Variants in SAE1 observed in about 807,000 individuals in gnomAD.
SAE1 encodes SUMO-activating enzyme subunit 1.
In SAE1, 11 loss-of-function variants were observed where a neutral mutation model predicts 40.6. The ratio of observed to expected loss-of-function variants is 0.27; its 90% CI spans 0.17 to 0.45. SAE1 has a LOEUF of 0.45. SAE1 is among the 20% of genes least tolerant of loss of function. SAE1 has a pLI of 1.00. For synonymous variants in SAE1, 155 were observed against 154.3 expected, an observed-to-expected ratio of 1.00 and a Z score of -0.03; for missense variants, 373 against 427.3, an observed-to-expected ratio of 0.87 and a Z score of 1.12.
At chr19:47,183,563 G>C (rs1415579870) in intron 6 of SAE1, among the ~76,000 whole-genome samples, 1 of 152,114 alleles carries the variant, frequency 6.6e-6, no homozygotes, top group Non-Finnish European at 1.5e-5. Flanking sequence ...GGCCCACCAA[G>C]ATCAGATTAC....
Position 47,203,725 on chromosome 19 carries a change from A to G in SAE1, c.933A>G (p.Ala311=), listed in dbSNP as rs757210154. The G allele has an allele frequency of 4.3e-6, 7 of 1,614,090 alleles. No individual in the cohort carries two copies. The highest frequency in any genetic ancestry group is 5.9e-6 in the Non-Finnish European group (7 of 1,179,960). ...GTGCGGTGGTTGGAGGGATTTTGGC[A>G]CAGGAAATTGTGAAGGTAAAACATC... ...PVCAVVGGIL[A]QEIVKALSQR... The change falls in exon 8 of 9, where the codon GCA becomes GCG. Residue 311 remains alanine, a synonymous_variant. Coordinates refer to ENST00000270225, the MANE Select transcript of SAE1 (RefSeq NM_005500.3).
intron 5 of SAE1, among the ~76,000 whole-genome samples, chr19:47,168,452 T>C (rs1210479573): frequency 6.6e-6 from 1 of 151,994 alleles, no homozygotes; most frequent in Admixed American, 6.6e-5. Context: ...CACAGGTGCA[T>C]GCCACTGCAC....
At position 47,130,915 on chromosome 19, in the gene SAE1, A is replaced by T. The variant is rs1263843006; in HGVS notation, c.-16A>T. On this transcript the variant is annotated 5_prime_UTR_variant, in exon 1 of 9. Coordinates refer to ENST00000270225, the MANE Select transcript of SAE1 (RefSeq NM_005500.3). ...GCTTGAGCGGGACCGGAGCTGAGGCAGGAAGAGCCGGCGCCATGGTGGAGA... is the reference window on the plus strand; with the variant it reads ...GCTTGAGCGGGACCGGAGCTGAGGCTGGAAGAGCCGGCGCCATGGTGGAGA... 7 of 1,549,230 alleles carry T rather than the reference A, an allele frequency of 4.5e-6. No individual in the cohort carries two copies. In the African/African-American group the frequency reaches 9.6e-5, roughly 21 times the overall value.
intron 2 of SAE1, among the ~76,000 whole-genome samples, chr19:47,145,711 G>C (rs1379976406): frequency 6.6e-6 from 1 of 152,152 alleles, no homozygotes; most frequent in African/African-American, 2.4e-5. Context: ...TTCCCTAGTA[G>C]CTGGGATTAC....
At chr19:47,142,136 C>T (rs1307462981) in intron 1 of SAE1, among the ~76,000 whole-genome samples, 1 of 152,128 alleles carries the variant, frequency 6.6e-6, no homozygotes, top group Non-Finnish European at 1.5e-5. Context: ...GTAATCCCAG[C>T]ACTTTGGGAG....
At chr19:47,152,673 T>G (rs1428058556) in intron 3 of SAE1, among the ~76,000 whole-genome samples, 1 of 152,192 alleles carries the variant, frequency 6.6e-6, no homozygotes, top group Non-Finnish European at 1.5e-5. Flanking sequence ...CACATTTTAT[T>G]TTGGCTGCAG....
At chr19:47,135,120 A>G (rs977115594) in intron 1 of SAE1, among the ~76,000 whole-genome samples, 2 of 152,230 alleles carry the variant, frequency 1.3e-5, no homozygotes, top group African/African-American at 4.8e-5. Flanking sequence ...GGTAATAATC[A>G]CATCAGGGTA....
chr19:47,179,002 G>A (rs2058487528), intron 6 of SAE1, among the ~76,000 whole-genome samples: 1 of 151,404 alleles, frequency 6.6e-6, no homozygotes, highest in African/African-American at 2.4e-5. Flanking sequence ...GACCATCCTG[G>A]CTGACACGGT....
intron 6 of SAE1, among the ~76,000 whole-genome samples, chr19:47,178,242 CA>C (rs748570539): frequency 1.2e-3 from 170 of 138,990 alleles, no homozygotes; most frequent in Middle Eastern, 7.2e-3. Flanking sequence ...ACTCCATCTC[CA>C]AAAAAAAAAA....
chr19:47,154,623 T>G (rs2058309377), intron 4 of SAE1, among the ~76,000 whole-genome samples: 1 of 149,924 alleles, frequency 6.7e-6, no homozygotes, highest in African/African-American at 2.5e-5. Flanking sequence ...GCCTCCCAAG[T>G]AGCTGGGATT....
intron 1 of SAE1, among the ~76,000 whole-genome samples, chr19:47,141,897 A>G (rs1317495933): frequency 6.6e-6 from 1 of 152,156 alleles, no homozygotes; most frequent in Non-Finnish European, 1.5e-5. Context: ...TTCATAATAC[A>G]TGATGTAAAG....
chr19:47,165,900 T>C (rs1469701121), intron 5 of SAE1, among the ~76,000 whole-genome samples: 4 of 152,144 alleles, frequency 2.6e-5, no homozygotes, highest in African/African-American at 9.7e-5. Flanking sequence ...TTTAGAGCAT[T>C]GTCATTATGT....
chr19:47,133,966 A>T (rs1600142313), intron 1 of SAE1, among the ~76,000 whole-genome samples: 3 of 150,524 alleles, frequency 2.0e-5, no homozygotes, highest in Admixed American at 2.0e-4. Context: ...AGGTTCAAGC[A>T]ATTCTCCTGC....
intron 1 of SAE1, among the ~76,000 whole-genome samples, chr19:47,141,399 C>T (rs1290100102): frequency 6.6e-6 from 1 of 152,124 alleles, no homozygotes; most frequent in African/African-American, 2.4e-5. Context: ...ATCTCAGCCT[C>T]CCAAAGTGCT....
At chr19:47,163,682 G>A (rs1044942430) in intron 5 of SAE1, among the ~76,000 whole-genome samples, 11 of 152,048 alleles carry the variant, frequency 7.2e-5, no homozygotes, top group South Asian at 4.2e-4. Context: ...AGCCAAGATC[G>A]CACCGTTGCA....
At chr19:47,133,552 C>T (rs990232349) in intron 1 of SAE1, among the ~76,000 whole-genome samples, 7 of 152,236 alleles carry the variant, frequency 4.6e-5, no homozygotes, top group Admixed American at 3.9e-4. Flanking sequence ...ATGATCGCTC[C>T]AGAATAGGTT....
chr19:47,154,280 G>A lies in SAE1; in HGVS notation c.528-834G>A, dbSNP rs557972431. ...AAATTTTTGTATTTTTAGCAGAGAC[G>A]GGGTTTCACTATGTTGGCTATGCTG... On this transcript the variant is annotated intron_variant, in intron 4 of 8. Coordinates refer to ENST00000270225, the MANE Select transcript of SAE1 (RefSeq NM_005500.3). Among the ~76,000 whole-genome samples, 5 of 147,940 alleles carry A rather than the reference G, an allele frequency of 3.4e-5. No individual in the cohort carries two copies. The South Asian group carries it at 6.5e-4, about 19-fold the overall frequency.
intron 6 of SAE1, among the ~76,000 whole-genome samples, chr19:47,180,509 G>A (rs2058499215): frequency 6.6e-6 from 1 of 152,154 alleles, no homozygotes; most frequent in African/African-American, 2.4e-5. Flanking sequence ...ACAGTTTGCG[G>A]TGAAACAGTG....
chr19:47,141,308 T>A (rs1274017055), intron 1 of SAE1, among the ~76,000 whole-genome samples: 3 of 151,972 alleles, frequency 2.0e-5, no homozygotes, highest in African/African-American at 4.8e-5. Context: ...GGCCATAATT[T>A]TTTTTGTATT....
Sources: allele counts gnomAD v4.1 joint callset (sites outside exome capture counted in the v4.1 genomes callset), GRCh38; gene constraint gnomAD v4.1.1; transcripts MANE v1.5; gene names NCBI Gene and HGNC (gene_info 2026-07-23, HGNC 2026-07-21).